MAGI2: variants seen among roughly 807,000 people sequenced by gnomAD.
MAGI2 encodes the protein membrane-associated guanylate kinase, WW and PDZ domain-containing protein 2.
Under a neutral mutation model 133.3 loss-of-function variants are expected in MAGI2, and 35 were observed. The observed-to-expected ratio is 0.26, with a 90% CI of 0.20 to 0.35. MAGI2 has a LOEUF of 0.35. MAGI2 is among the 10% of genes least tolerant of loss of function. MAGI2 has a pLI of 1.00. For missense variants in MAGI2, 1,636 were observed against 1,863.4 expected (o/e 0.88, Z 2.25); for synonymous variants, 729 against 710.6 (o/e 1.03, Z -0.41).
intron 20 of MAGI2, among the ~76,000 whole-genome samples, chr7:78,089,928 G>C (rs1357426932): frequency 6.6e-6 from 1 of 152,136 alleles, no homozygotes; most frequent in African/African-American, 2.4e-5. Context: ...CTTGACATGA[G>C]GTGTAAATCC....
At chr7:79,266,280 G>A (rs1489400460) in intron 1 of MAGI2, among the ~76,000 whole-genome samples, 1 of 122,080 alleles carries the variant, frequency 8.2e-6, no homozygotes, top group Non-Finnish European at 1.6e-5. Flanking sequence ...TGATCACTTT[G>A]TTCAGAAAAG....
At chr7:78,253,880 G>A (rs1221157345) in intron 10 of MAGI2, 3 of 152,148 alleles carry the variant, frequency 2.0e-5, no homozygotes, top group Non-Finnish European at 4.4e-5. Context: ...AGAGGTCATA[G>A]GCACTTCTGG....
chr7:78,740,420 T>C (rs777102779), intron 2 of MAGI2, among the ~76,000 whole-genome samples: 57 of 152,264 alleles, frequency 3.7e-4, no homozygotes, highest in Non-Finnish European at 4.3e-4. Flanking sequence ...GTAACAGAAA[T>C]GGGATGTGAG....
chr7:78,994,885 T>C (rs1175180433), intron 2 of MAGI2, among the ~76,000 whole-genome samples: 1 of 152,058 alleles, frequency 6.6e-6, no homozygotes, highest in Non-Finnish European at 1.5e-5. Flanking sequence ...AAAATAAGTG[T>C]TTTAATGAAA....
intron 6 of MAGI2, among the ~76,000 whole-genome samples, chr7:78,391,340 T>C (rs1795880280): frequency 6.6e-6 from 1 of 151,814 alleles, no homozygotes; most frequent in Non-Finnish European, 1.5e-5. Context: ...ACAAATTATA[T>C]TCATGAGGAC....
chr7:78,077,725 G>GTTT lies in MAGI2; in HGVS notation c.3706+1219_3706+1221dup, dbSNP rs538030969. 5.3e-3 allele frequency among the ~76,000 whole-genome samples: 533 copies of GTTT among 101,188 alleles called. 36 individuals carry two copies. The highest frequency in any genetic ancestry group is 0.017 in the African/African-American group (423 of 24,880). The allele number at this position is 101,188 out of a possible 152,430, so 66.4% of individuals were successfully genotyped here. ...TGAAATGAAAAGTACTCTTTAGAAT[G>GTTT]TTTTTTTTTTTTTTTTTTTTTGAGA... is the stretch of plus-strand genomic sequence containing the variant. On this transcript the variant is annotated intron_variant, in intron 21 of 21. Coordinates refer to ENST00000354212, the MANE Select transcript of MAGI2 (RefSeq NM_012301.4).
chr7:78,242,471 G>T lies in MAGI2; in HGVS notation c.2047+13472C>A, dbSNP rs1219008846. On this transcript the variant is annotated intron_variant, in intron 10 of 21. Coordinates refer to ENST00000354212, the MANE Select transcript of MAGI2 (RefSeq NM_012301.4). ...GGTGTATTTGTTAATACAGTAGCCA[G>T]TATGTCATGTCATTCACAACTCATG... 1.3e-5 allele frequency among the ~76,000 whole-genome samples: 2 copies of T among 152,200 alleles called. 1 individual carries two copies. The highest frequency in any genetic ancestry group is 1.3e-4 in the Admixed American group (2 of 15,290).
intron 1 of MAGI2, among the ~76,000 whole-genome samples, chr7:79,400,379 AT>A (rs1845384533): frequency 6.6e-6 from 1 of 152,220 alleles, no homozygotes; most frequent in Non-Finnish European, 1.5e-5. Context: ...TAATCATTCT[AT>A]TTTTTTATCC....
intron 2 of MAGI2, among the ~76,000 whole-genome samples, chr7:78,971,203 A>G (rs1433854984): frequency 1.3e-5 from 2 of 152,048 alleles, no homozygotes; most frequent in African/African-American, 4.8e-5. Flanking sequence ...AAGTGTGGTC[A>G]AGGTCAAAAT....
rs540602165 is a variant in MAGI2 at position 78,156,044 on chromosome 7, A to T, written c.2845+3981T>A. Among the ~76,000 whole-genome samples the T allele has an allele frequency of 9.2e-5, 14 of 152,310 alleles. No homozygotes were observed. The East Asian group carries it at 2.7e-3, about 29-fold the overall frequency. ...CTCCTCTCTCCTCTGATAATATTTAATAGCAACATGTTTGCAAGGGAGATT... is the reference window on the plus strand; with the variant it reads ...CTCCTCTCTCCTCTGATAATATTTATTAGCAACATGTTTGCAAGGGAGATT... On this transcript the variant is annotated intron_variant, in intron 16 of 21. Coordinates refer to ENST00000354212, the MANE Select transcript of MAGI2 (RefSeq NM_012301.4).
intron 2 of MAGI2, among the ~76,000 whole-genome samples, chr7:78,966,718 G>A (rs2115887426): frequency 6.6e-6 from 1 of 151,890 alleles, no homozygotes; most frequent in Admixed American, 6.6e-5. Context: ...ACATATGGTT[G>A]TTCTCTTTCA....
At chr7:79,310,162 CAAAAAAAAAAAAAA>C (rs71518921) in intron 1 of MAGI2, among the ~76,000 whole-genome samples, 6 of 16,296 alleles carry the variant, frequency 3.7e-4, no homozygotes, top group East Asian at 4.8e-3. Context: ...GAGTCCATCT[CAAAAAAAAAAAAAA>C]AAAAAAAAAA....
chr7:79,195,137 C>T (rs1188895860), intron 1 of MAGI2, among the ~76,000 whole-genome samples: 3 of 151,928 alleles, frequency 2.0e-5, no homozygotes, highest in Non-Finnish European at 4.4e-5. Context: ...TCTTGACTGA[C>T]ACAAAGAGAC....
At chr7:78,955,751 TTC>T (rs1272555578) in intron 2 of MAGI2, among the ~76,000 whole-genome samples, 1 of 74,722 alleles carries the variant, frequency 1.3e-5, no homozygotes, top group African/African-American at 4.2e-5. Flanking sequence ...CTTTCTTTCT[TTC>T]TTTCTTTCTT....
At chr7:79,227,251 T>A in intron 1 of MAGI2, among the ~76,000 whole-genome samples, 1 of 152,186 alleles carries the variant, frequency 6.6e-6, no homozygotes, top group South Asian at 2.1e-4. Context: ...AATGAATGCA[T>A]GCAAAATGGT....
intron 2 of MAGI2, among the ~76,000 whole-genome samples, chr7:78,965,730 C>T (rs1298295637): frequency 6.6e-6 from 1 of 152,012 alleles, no homozygotes; most frequent in Non-Finnish European, 1.5e-5. Flanking sequence ...TACTGCTACA[C>T]ATGTAGGATA....
At position 78,738,536 on chromosome 7, in the gene MAGI2, T is replaced by C. The variant is rs115978787; in HGVS notation, c.419-111297A>G. Among the ~76,000 whole-genome samples the C allele has an allele frequency of 7.2e-3, 1,096 of 152,268 alleles. 14 individuals carry two copies. The highest frequency in any genetic ancestry group is 0.025 in the African/African-American group (1,054 of 41,562). On this transcript the variant is annotated intron_variant, in intron 2 of 21. Coordinates refer to ENST00000354212, the MANE Select transcript of MAGI2 (RefSeq NM_012301.4). ...TAGTTTGCTAACAAATCATTAGTCTTTCCTGCCACAATAAAACTGCAGGCT... is the reference window on the plus strand; with the variant it reads ...TAGTTTGCTAACAAATCATTAGTCTCTCCTGCCACAATAAAACTGCAGGCT...
At chr7:78,910,263 CTTTT>C (rs71085572) in intron 2 of MAGI2, among the ~76,000 whole-genome samples, 2 of 128,062 alleles carry the variant, frequency 1.6e-5, no homozygotes, top group African/African-American at 6.3e-5. Context: ...TAAAGTAATT[CTTTT>C]TTTTTTTTTT....
At chr7:78,506,120 T>C (rs961268071) in intron 4 of MAGI2, among the ~76,000 whole-genome samples, 1 of 152,176 alleles carries the variant, frequency 6.6e-6, no homozygotes, top group Non-Finnish European at 1.5e-5. Context: ...AGAGTAGATG[T>C]TTATAGAGCA....
Sources: gnomAD v4.1 joint callset for allele counts (sites outside exome capture counted in the v4.1 genomes callset) on GRCh38, gnomAD v4.1.1 for gene constraint, MANE v1.5 for transcripts, NCBI Gene and HGNC (gene_info 2026-07-23, HGNC 2026-07-21) for gene names.